SFMBT2: variants seen among roughly 807,000 people sequenced by gnomAD.
SFMBT2 encodes the protein scm-like with four MBT domains protein 2.
SFMBT2 carries 38 observed loss-of-function variants against 110.1 expected under a neutral mutation model. That is an observed-to-expected ratio of 0.35 (90% CI 0.27 to 0.45). The LOEUF (loss-of-function observed/expected upper bound fraction) is 0.45, where lower values mean the gene tolerates loss of function less well. Ranked by LOEUF, SFMBT2 falls within the 20% of genes least tolerant of loss-of-function variation. The pLI is 1.00. For synonymous variants in SFMBT2, 425 were observed against 425.4 expected, an observed-to-expected ratio of 1.00 and a Z score of 0.01; for missense variants, 1,011 against 1,094.9, an observed-to-expected ratio of 0.92 and a Z score of 1.08.
chr10:7,379,480 GA>G (rs746607427), intron 2 of SFMBT2, among the ~76,000 whole-genome samples: 9 of 152,042 alleles, frequency 5.9e-5, no homozygotes, highest in Non-Finnish European at 1.3e-4. Flanking sequence ...AACTAGATTT[GA>G]GTTTCTCAAG....
intron 1 of SFMBT2, among the ~76,000 whole-genome samples, chr10:7,405,063 T>C (rs190690851): frequency 7.9e-5 from 12 of 152,294 alleles, no homozygotes; most frequent in Admixed American, 7.2e-4. Context: ...TTCTTAGGAA[T>C]TGTCCCAGAA....
At chr10:7,165,962 A>C (rs1837683566) in intron 20 of SFMBT2, among the ~76,000 whole-genome samples, 1 of 152,244 alleles carries the variant, frequency 6.6e-6, no homozygotes. Context: ...TTCAGAGCCA[A>C]ATCCACATGT....
chr10:7,372,597 G>C (rs991073823), intron 2 of SFMBT2, among the ~76,000 whole-genome samples: 5 of 152,202 alleles, frequency 3.3e-5, no homozygotes, highest in Middle Eastern at 3.2e-3. Context: ...GAAGTTTAGA[G>C]CGTCACAGAC....
chr10:7,202,490 G>C lies in SFMBT2; in HGVS notation c.1477C>G (p.Pro493Ala). 9 of 1,614,176 alleles carry C rather than the reference G, an allele frequency of 5.6e-6. No individual in the cohort carries two copies. The highest frequency in any genetic ancestry group is 6.8e-6 in the Non-Finnish European group (8 of 1,180,026). ...GAAAAAAGCACGTACTGTTTCTCTG[G>C]TTGCACGACTGCAATCTTTCTCTTC... is the stretch of plus-strand genomic sequence containing the variant. Reference protein sequence around the residue: ...QKKRKIAVVQPEKQLPPTVPV... With the variant: ...QKKRKIAVVQAEKQLPPTVPV... The change falls in exon 13 of 21, where the codon CCA becomes GCA. Residue 493 changes from proline (P) to alanine (A), a missense_variant. Pro to Ala is a conservative substitution (Grantham distance 27). Transcript: ENST00000397167.
intron 3 of SFMBT2, among the ~76,000 whole-genome samples, chr10:7,369,611 C>T (rs993710885): frequency 1.6e-4 from 24 of 152,164 alleles, no homozygotes; most frequent in African/African-American, 5.6e-4. Flanking sequence ...TTCCTCTAAT[C>T]TGACTCATCT....
At chr10:7,343,781 G>T (rs942036115) in intron 4 of SFMBT2, among the ~76,000 whole-genome samples, 2 of 152,152 alleles carry the variant, frequency 1.3e-5, no homozygotes, top group African/African-American at 4.8e-5. Flanking sequence ...ATAAGGTGAT[G>T]GTTCTAACTT....
intron 4 of SFMBT2, among the ~76,000 whole-genome samples, chr10:7,332,709 A>G (rs1843600330): frequency 1.3e-5 from 2 of 152,234 alleles, no homozygotes; most frequent in Non-Finnish European, 1.5e-5. Flanking sequence ...ATTAATGTCC[A>G]TGACAGAATT....
At position 7,283,911 on chromosome 10, in the gene SFMBT2, TG is replaced by T; in HGVS notation, c.764del (p.Pro255HisfsTer8). ...AAAAGCTTTGGCCCTTACCTGAAGG[TG>T]GGTCCATTCTGTATTTATTCTCTTG... is the stretch of plus-strand genomic sequence containing the variant. ...WCQENKYRMD[P>X]PSEIYPLKMA... On this transcript the variant is annotated frameshift_variant, in exon 6 of 21. Transcript: ENST00000397167. LOFTEE classifies it high-confidence loss of function. 1 of 1,590,228 alleles carries T rather than the reference TG, an allele frequency of 6.3e-7. No individual in the cohort carries two copies. Among genetic ancestry groups the T allele is most frequent in the Non-Finnish European group, 8.6e-7 (1 of 1,158,104 alleles).
intron 4 of SFMBT2, among the ~76,000 whole-genome samples, chr10:7,321,351 G>A (rs933523683): frequency 7.2e-5 from 11 of 152,142 alleles, no homozygotes; most frequent in African/African-American, 1.7e-4. Flanking sequence ...ACAGGCGCCC[G>A]CCAACACGCC....
rs960781237 is a variant in SFMBT2 at position 7,175,979 on chromosome 10, T to C, written c.1984+11A>G. The C allele has an allele frequency of 6.2e-7, 1 of 1,606,368 alleles. No homozygotes were observed. The highest frequency in any genetic ancestry group is 1.3e-5 in the African/African-American group (1 of 74,842). On this transcript the variant is annotated intron_variant, in intron 17 of 20. Transcript: ENST00000397167. The stretch of plus-strand genomic sequence containing the variant: ...GGCTCATGCATTTCTTTTTTCATTA[T>C]TTGTACTTACTGTATTTGGTTTTGG...
chr10:7,273,238 G>A (rs550301351), intron 7 of SFMBT2, among the ~76,000 whole-genome samples: 75 of 152,312 alleles, frequency 4.9e-4, no homozygotes, highest in African/African-American at 1.8e-3. Context: ...TATCATCTTT[G>A]CAACCTACGG....
intron 16 of SFMBT2, among the ~76,000 whole-genome samples, chr10:7,183,717 C>T (rs537535171): frequency 6.6e-6 from 1 of 152,324 alleles, no homozygotes; most frequent in East Asian, 1.9e-4. Flanking sequence ...ACCACTCAGA[C>T]CTGCATAAAC....
At position 7,170,751 on chromosome 10, in the gene SFMBT2, G is replaced by T. The variant is rs774662308; in HGVS notation, c.2544+177C>A. 6.6e-6 allele frequency among the ~76,000 whole-genome samples: 1 copy of T among 152,114 alleles called. No homozygotes were observed. Among genetic ancestry groups the T allele is most frequent in the Admixed American group, 6.5e-5 (1 of 15,276 alleles). Reference sequence around the variant, plus strand: ...GAGCAGGAATGAGGCTCTGTCTCTCGTCCCTGCCAGGCAGCTCTCAGCAGG... The same window carrying T: ...GAGCAGGAATGAGGCTCTGTCTCTCTTCCCTGCCAGGCAGCTCTCAGCAGG... On this transcript the variant is annotated intron_variant, in intron 20 of 20. Transcript: ENST00000397167. This position sits in a 1 kb window ranked among gnomAD's most constrained non-coding sequence, Gnocchi z 4.6.
intron 11 of SFMBT2, among the ~76,000 whole-genome samples, chr10:7,217,664 T>G (rs12146285): frequency 6.6e-6 from 1 of 151,920 alleles, no homozygotes; most frequent in African/African-American, 2.4e-5. Flanking sequence ...TGGAAATGAA[T>G]AGAAAGTCAC....
intron 4 of SFMBT2, among the ~76,000 whole-genome samples, chr10:7,363,474 G>A (rs1444788837): frequency 1.3e-5 from 2 of 151,908 alleles, no homozygotes; most frequent in Admixed American, 6.6e-5. Context: ...TCAGCCTGCC[G>A]AGTAGCTGGG....
chr10:7,257,140 A>G (rs983493994), intron 7 of SFMBT2, among the ~76,000 whole-genome samples: 2 of 151,164 alleles, frequency 1.3e-5, no homozygotes, highest in African/African-American at 4.8e-5. Context: ...AAGAAAAGAA[A>G]AAACTGTACA....
intron 4 of SFMBT2, among the ~76,000 whole-genome samples, chr10:7,364,847 C>T (rs1421599667): frequency 6.6e-6 from 1 of 152,230 alleles, no homozygotes; most frequent in Non-Finnish European, 1.5e-5. Flanking sequence ...GTGGCACCTG[C>T]GTGCAGAGTT....
At chr10:7,400,991 G>C (rs1430475679) in intron 1 of SFMBT2, among the ~76,000 whole-genome samples, 4 of 152,150 alleles carry the variant, frequency 2.6e-5, no homozygotes, top group Admixed American at 6.5e-5. Context: ...AAATTAGCCA[G>C]GCATGGTGGC....
chr10:7,204,947 C>T (rs1019580537), intron 12 of SFMBT2: 28 of 984,588 alleles, frequency 2.8e-5, no homozygotes, highest in African/African-American at 3.5e-5. Context: ...TATGAATGGG[C>T]GTTTACTGCT....
Sources: gnomAD v4.1 joint callset for allele counts (sites outside exome capture counted in the v4.1 genomes callset) on GRCh38, gnomAD v4.1.1 for gene constraint, Gnocchi (gnomAD v3.1) non-coding constraint, MANE v1.5 for transcripts, NCBI Gene and HGNC (gene_info 2026-07-23, HGNC 2026-07-21) for gene names.